RAB14: variants seen among roughly 807,000 people sequenced by gnomAD.
RAB14 encodes RAB14, member RAS oncogene family.
In RAB14, 3 loss-of-function variants were observed where a neutral mutation model predicts 31.1. The observed-to-expected ratio is 0.10, with a 90% CI of 0.04 to 0.25. The LOEUF is 0.25. Ranked by LOEUF, RAB14 falls within the 10% of genes least tolerant of loss-of-function variation. The pLI is 1.00. For missense variants in RAB14, 111 were observed against 260.1 expected, an observed-to-expected ratio of 0.43 and a Z score of 3.94; for synonymous variants, 85 against 84.9, an observed-to-expected ratio of 1.00 and a Z score of 0.00.
At position 121,193,568 on chromosome 9, in the gene RAB14, A is replaced by G. The variant is rs903896029; in HGVS notation, c.-7-149T>C. On this transcript the variant is annotated intron_variant, in intron 1 of 7. Coordinates refer to ENST00000373840, the MANE Select transcript of RAB14 (RefSeq NM_016322.4). The stretch of plus-strand genomic sequence containing the variant: ...GTCAAAATAAAACTGCATTTCACAA[A>G]CTGATCAAATACACAAATTCTCTTG... The G allele has an allele frequency of 5.1e-6, 3 of 588,358 alleles. No individual in the cohort carries two copies. In the African/African-American group the frequency reaches 6.0e-5, roughly 12 times the overall value. The allele number at this position is 588,358 out of a possible 1,614,324, so 36.4% of individuals were successfully genotyped here.
At chr9:121,181,708 G>C (rs949785427) in intron 7 of RAB14, 135 bp from the exon 8 acceptor site, 1 of 394,990 alleles carries the variant, frequency 2.5e-6, no homozygotes, top group Non-Finnish European at 4.5e-6. Flanking sequence ...GAGATTACCA[G>C]AACACTGAGC....
intron 1 of RAB14, among the ~76,000 whole-genome samples, chr9:121,198,364 CCAACACT>C (rs2053730274): frequency 6.6e-6 from 1 of 152,038 alleles, no homozygotes. Context: ...AATAGAAAAA[CCAACACT>C]CAATAGTAGA....
At chr9:121,196,838 A>G (rs910013128) in intron 1 of RAB14, among the ~76,000 whole-genome samples, 1 of 152,226 alleles carries the variant, frequency 6.6e-6, no homozygotes, top group Non-Finnish European at 1.5e-5. Flanking sequence ...TTACTTAGAA[A>G]AAGTTTCTTG....
Position 121,182,913 on chromosome 9 carries a change from A to G in RAB14, c.470+17T>C. On this transcript the variant is annotated intron_variant, in intron 7 of 7. Transcript: ENST00000373840. ...ACTTGAATATAATTGAAATATCTGTATTTTGGTCACACTTACGTTTTTGCA... is the reference window on the plus strand; with the variant it reads ...ACTTGAATATAATTGAAATATCTGTGTTTTGGTCACACTTACGTTTTTGCA... The G allele has an allele frequency of 6.3e-7, 1 of 1,599,048 alleles. No homozygotes were observed. The highest frequency in any genetic ancestry group is 8.6e-7 in the Non-Finnish European group (1 of 1,169,218).
At chr9:121,188,760 C>T (rs2053671440) in intron 4 of RAB14, among the ~76,000 whole-genome samples, 1 of 151,994 alleles carries the variant, frequency 6.6e-6, no homozygotes, top group African/African-American at 2.4e-5. Context: ...ACTTTAGCGC[C>T]TGACTAAAGC....
chr9:121,191,749 T>C (rs1355174250), intron 3 of RAB14, among the ~76,000 whole-genome samples: 25 of 152,162 alleles, frequency 1.6e-4, no homozygotes, highest in Non-Finnish European at 1.0e-4. Flanking sequence ...AGCATATCAG[T>C]TACAACACAT....
chr9:121,196,037 G>A (rs1407852961), intron 1 of RAB14, among the ~76,000 whole-genome samples: 1 of 151,832 alleles, frequency 6.6e-6, no homozygotes, highest in Non-Finnish European at 1.5e-5. Flanking sequence ...ACCTAACTTT[G>A]GAAGGGAAAA....
chr9:121,182,736 G>C (rs964259674), intron 7 of RAB14, among the ~76,000 whole-genome samples, 194 bp downstream of exon 7: 1 of 152,166 alleles, frequency 6.6e-6, no homozygotes, highest in African/African-American at 2.4e-5. Flanking sequence ...AATCTTTTAA[G>C]TAACAAAAAT....
intron 1 of RAB14, among the ~76,000 whole-genome samples, chr9:121,198,404 T>A (rs758875811): frequency 8.5e-5 from 13 of 152,210 alleles, no homozygotes; most frequent in African/African-American, 7.2e-5. Context: ...GGGAGTTTTT[T>A]AATAGCTTAA....
At position 121,178,812 on chromosome 9, in the gene RAB14, T is replaced by C. The variant is rs1234981851; in HGVS notation, c.*2584A>G. 6.6e-6 allele frequency: 1 copy of C among 152,202 alleles called. No homozygotes were observed. The highest frequency in any genetic ancestry group is 2.1e-4 in the South Asian group (1 of 4,832). The allele number at this position is 152,202 out of a possible 1,614,324, so 9.4% of individuals were successfully genotyped here. On this transcript the variant is annotated 3_prime_UTR_variant, in exon 8 of 8. Transcript: ENST00000373840. ...AGCACCAATTACTAATCTGAAGGCC[T>C]CCTCACAGGTCCAAGGGCAATGAGC...
intron 3 of RAB14, among the ~76,000 whole-genome samples, chr9:121,191,422 C>G (rs1451895414): frequency 6.6e-6 from 1 of 152,084 alleles, no homozygotes; most frequent in African/African-American, 2.4e-5. Context: ...ACTGTAACCT[C>G]GAACTTCTGG....
At position 121,198,342 on chromosome 9, in the gene RAB14, G is replaced by A. The variant is rs1235305225; in HGVS notation, c.-8+3297C>T. 3.3e-5 allele frequency among the ~76,000 whole-genome samples: 5 copies of A among 152,158 alleles called. No individual in the cohort carries two copies. In the East Asian group the frequency reaches 9.7e-4, roughly 29 times the overall value. On this transcript the variant is annotated intron_variant, in intron 1 of 7. Transcript: ENST00000373840. ...GAATATCTTATGAAGCCAATAATAC[G>A]ATTGGGTTCAAAATAGAAAAACCAA... is the stretch of plus-strand genomic sequence containing the variant.
At chr9:121,199,718 C>T (rs1038867844) in intron 1 of RAB14, among the ~76,000 whole-genome samples, 10 of 152,252 alleles carry the variant, frequency 6.6e-5, no homozygotes, top group Admixed American at 5.2e-4. Flanking sequence ...TAAGGTTTTA[C>T]GTCTTTACAA....
chr9:121,200,416 T>C (rs571572871), intron 1 of RAB14, among the ~76,000 whole-genome samples: 2 of 152,358 alleles, frequency 1.3e-5, no homozygotes, highest in South Asian at 4.1e-4. Flanking sequence ...CAGTAAACTT[T>C]GCAAGAGTTC....
rs2132025953 is a variant in RAB14, at chr9:121,190,694, A to G, written c.144T>C (p.Phe48=). 1 of 1,613,278 alleles carries G rather than the reference A, an allele frequency of 6.2e-7. No individual in the cohort carries two copies. Among genetic ancestry groups the G allele is most frequent in the East Asian group, 2.2e-5 (1 of 44,868 alleles). Residue 48 remains phenylalanine (F), a synonymous_variant, in exon 4 of 8, where the codon TTT becomes TTC. Transcript: ENST00000373840. The part of the protein sequence containing the change: ...ADCPHTIGVE[F]GTRIIEVSGQ... ...CACTAACTTCGATTATTCTTGTACCAAATTCAACACCAATTGTGTGAGGAC... is the reference window on the plus strand; with the variant it reads ...CACTAACTTCGATTATTCTTGTACCGAATTCAACACCAATTGTGTGAGGAC...
chr9:121,186,024 C>T (rs999341950), intron 5 of RAB14, among the ~76,000 whole-genome samples: 24 of 152,166 alleles, frequency 1.6e-4, no homozygotes, highest in Non-Finnish European at 3.2e-4. Flanking sequence ...CATCTTACCA[C>T]TGATAACACA....
intron 1 of RAB14, among the ~76,000 whole-genome samples, chr9:121,197,691 C>T (rs180996836): frequency 6.6e-6 from 1 of 152,224 alleles, no homozygotes; most frequent in East Asian, 1.9e-4. Flanking sequence ...TGGAAATGTG[C>T]CAACATTTTG....
chr9:121,182,111 A>G (rs1441596582), intron 7 of RAB14, among the ~76,000 whole-genome samples: 1 of 152,164 alleles, frequency 6.6e-6, no homozygotes, highest in Non-Finnish European at 1.5e-5. Flanking sequence ...TACAAACCCT[A>G]TTTGGACAAC....
intron 1 of RAB14, among the ~76,000 whole-genome samples, chr9:121,195,527 CCTG>C (rs1348477358): frequency 6.6e-6 from 1 of 152,000 alleles, no homozygotes; most frequent in Admixed American, 6.6e-5. Context: ...AATTTGTGTA[CCTG>C]CTAATTATCA....
Sources: allele counts gnomAD v4.1 joint callset (sites outside exome capture counted in the v4.1 genomes callset), GRCh38; gene constraint gnomAD v4.1.1; transcripts MANE v1.5; gene names NCBI Gene and HGNC (gene_info 2026-07-23, HGNC 2026-07-21).